OLFM3: variants seen among roughly 807,000 people sequenced by gnomAD.
OLFM3 encodes olfactomedin 3.
In OLFM3, 20 loss-of-function variants were observed where a neutral mutation model predicts 48.6. The ratio of observed to expected loss-of-function variants is 0.41; its 90% CI spans 0.29 to 0.60. The LOEUF (loss-of-function observed/expected upper bound fraction) is 0.60. Ranked by LOEUF, OLFM3 falls within the 20% of genes least tolerant of loss-of-function variation. The pLI is 0.28. For missense variants in OLFM3, 437 were observed against 544.3 expected (o/e 0.80, Z 1.96); for synonymous variants, 222 against 198.1 (o/e 1.12, Z -1.01).
intron 1 of OLFM3, among the ~76,000 whole-genome samples, chr1:101,895,335 A>G (rs1658156033): frequency 6.6e-6 from 1 of 151,724 alleles, no homozygotes; most frequent in Non-Finnish European, 1.5e-5. Context: ...GTATCAGCAC[A>G]CTCTGACAAA....
rs1400759550 is a variant in OLFM3, at chr1:101,996,905, T to G, written c.-89A>C. The G allele has an allele frequency of 3.1e-5, 43 of 1,373,420 alleles. No individual in the cohort carries two copies. Among genetic ancestry groups the G allele is most frequent in the Non-Finnish European group, 8.3e-6 (8 of 969,256 alleles). The allele number at this position is 1,373,420 out of a possible 1,614,324, so 85.1% of individuals were successfully genotyped here. The stretch of plus-strand genomic sequence containing the variant: ...CCTTTCCCTCGTCAGTTGCACTTTC[T>G]GCCTGCCAGTCAGAGCCGAGTGGAA... On this transcript the variant is annotated 5_prime_UTR_variant, in exon 1 of 6. Transcript: ENST00000370103.
rs369185301 is a variant in OLFM3 at position 101,931,493 on chromosome 1, C to A, written c.69+65255G>T. Among the ~76,000 whole-genome samples the A allele has an allele frequency of 9.2e-4, 140 of 152,324 alleles. 4 individuals are homozygous for A. In the South Asian group the frequency reaches 0.029, roughly 32 times the overall value. ...AGTGACTCTCAGTAAGTGCCTTTGTCATTGTCTTCCTCCCTTTGCCTCCAC... is the reference window on the plus strand; with the variant it reads ...AGTGACTCTCAGTAAGTGCCTTTGTAATTGTCTTCCTCCCTTTGCCTCCAC... On this transcript the variant is annotated intron_variant, in intron 1 of 5. Transcript: ENST00000370103.
chr1:101,978,267 T>C (rs903576136), intron 1 of OLFM3, among the ~76,000 whole-genome samples: 1 of 152,158 alleles, frequency 6.6e-6, no homozygotes, highest in African/African-American at 2.4e-5. Flanking sequence ...AGAAGTTATT[T>C]ATTATGATTT....
intron 4 of OLFM3, among the ~76,000 whole-genome samples, chr1:101,807,617 T>C (rs571540883): frequency 3.6e-4 from 54 of 151,972 alleles, no homozygotes; most frequent in African/African-American, 1.3e-3. Flanking sequence ...GTTAGGAAGA[T>C]GATGAATGGT....
intron 2 of OLFM3, among the ~76,000 whole-genome samples, 196 bp downstream of exon 2, chr1:101,836,683 A>G (rs1045384107): frequency 2.0e-5 from 3 of 152,090 alleles, no homozygotes; most frequent in Admixed American, 2.0e-4. Context: ...GAAAAAGTAA[A>G]AAGTCATAGA....
Position 101,849,097 on chromosome 1 carries a change from G to A in OLFM3, c.70-12072C>T, listed in dbSNP as rs564732560. Among the ~76,000 whole-genome samples, 9 of 152,208 alleles carry A rather than the reference G, an allele frequency of 5.9e-5. No homozygotes were observed. The East Asian group carries it at 7.7e-4, about 13-fold the overall frequency. On this transcript the variant is annotated intron_variant, in intron 1 of 5. Transcript: ENST00000370103. ...GAACAATGGTAAAAGTTTATGATTC[G>A]GCGATGTTTATGAACAACATAGAAG... is the stretch of plus-strand genomic sequence containing the variant.
At chr1:101,833,102 A>G (rs1655242310) in intron 2 of OLFM3, among the ~76,000 whole-genome samples, 1 of 152,250 alleles carries the variant, frequency 6.6e-6, no homozygotes, top group South Asian at 2.1e-4. Flanking sequence ...AAGTCTATAC[A>G]ATTAGAAAAT....
intron 1 of OLFM3, among the ~76,000 whole-genome samples, chr1:101,931,363 T>C (rs150101162): frequency 0.013 from 1,977 of 152,258 alleles, 50 homozygotes; most frequent in African/African-American, 0.046. Context: ...ATTGCTCTTG[T>C]AGAGGGTGGG....
At chr1:101,903,797 A>AT (rs1342395314) in intron 1 of OLFM3, among the ~76,000 whole-genome samples, 1 of 152,028 alleles carries the variant, frequency 6.6e-6, no homozygotes, top group Non-Finnish European at 1.5e-5. Context: ...GAAACAAAAC[A>AT]TTGTGATATT....
chr1:101,869,274 C>T (rs1005366889), intron 1 of OLFM3, among the ~76,000 whole-genome samples: 9 of 152,332 alleles, frequency 5.9e-5, no homozygotes, highest in African/African-American at 2.2e-4. Context: ...AAGAGCAGAG[C>T]TACCCAAGGC....
At chr1:101,868,968 G>A (rs1656965363) in intron 1 of OLFM3, among the ~76,000 whole-genome samples, 1 of 152,212 alleles carries the variant, frequency 6.6e-6, no homozygotes, top group Non-Finnish European at 1.5e-5. Context: ...CCCCTACCTG[G>A]ATTTCAGAGG....
At chr1:101,949,171 A>C (rs1324816800) in intron 1 of OLFM3, among the ~76,000 whole-genome samples, 1 of 152,056 alleles carries the variant, frequency 6.6e-6, no homozygotes, top group Non-Finnish European at 1.5e-5. Context: ...CTTCTCAAAT[A>C]CTTTTTTTGC....
chr1:101,875,206 T>C (rs965329099), intron 1 of OLFM3, among the ~76,000 whole-genome samples: 7 of 151,980 alleles, frequency 4.6e-5, no homozygotes, highest in African/African-American at 1.4e-4. Context: ...GTGAGCAATC[T>C]GAAAAAACAA....
intron 1 of OLFM3, among the ~76,000 whole-genome samples, chr1:101,902,813 C>T (rs1658432290): frequency 1.3e-5 from 2 of 152,024 alleles, no homozygotes; most frequent in Admixed American, 1.3e-4. Context: ...ATAAATACCC[C>T]CATTTTAAAT....
chr1:101,847,991 G>T lies in OLFM3; in HGVS notation c.70-10966C>A, dbSNP rs559176309. 2.6e-5 allele frequency among the ~76,000 whole-genome samples: 4 copies of T among 152,184 alleles called. No individual in the cohort carries two copies. The South Asian group carries it at 8.3e-4, about 32-fold the overall frequency. On this transcript the variant is annotated intron_variant, in intron 1 of 5. Transcript: ENST00000370103. ...GATGTTGGAAAATATGCTCTCCAAGGTCCCTTCCAGCTCTCAAATTCAATG... is the reference window on the plus strand; with the variant it reads ...GATGTTGGAAAATATGCTCTCCAAGTTCCCTTCCAGCTCTCAAATTCAATG...
At chr1:101,874,177 C>T (rs1210842703) in intron 1 of OLFM3, among the ~76,000 whole-genome samples, 1 of 151,606 alleles carries the variant, frequency 6.6e-6, no homozygotes, top group African/African-American at 2.4e-5. Flanking sequence ...TTGAAAAAAC[C>T]TTTTCTGCCT....
intron 1 of OLFM3, among the ~76,000 whole-genome samples, chr1:101,930,099 C>G (rs1490548843): frequency 6.6e-6 from 1 of 152,150 alleles, no homozygotes; most frequent in Non-Finnish European, 1.5e-5. Context: ...TTAATCCTTT[C>G]CTTTGTTACA....
intron 1 of OLFM3, among the ~76,000 whole-genome samples, chr1:101,896,670 ATTTTT>A (rs3079210): frequency 2.8e-5 from 3 of 105,704 alleles, no homozygotes; most frequent in African/African-American, 1.1e-4. Context: ...GATTTTTTGT[ATTTTT>A]TTTTTTTTTT....
intron 2 of OLFM3, among the ~76,000 whole-genome samples, chr1:101,835,994 A>AT (rs574411711): frequency 2.8e-3 from 419 of 152,274 alleles, no homozygotes; most frequent in South Asian, 1.0e-2. Context: ...GCTTCTCTTC[A>AT]TTTTTTGTTA....
Sources: gnomAD v4.1 joint callset for allele counts (sites outside exome capture counted in the v4.1 genomes callset) on GRCh38, gnomAD v4.1.1 for gene constraint, MANE v1.5 for transcripts, NCBI Gene and HGNC (gene_info 2026-07-23, HGNC 2026-07-21) for gene names.